Variants in SPATA13 observed in about 807,000 individuals in gnomAD.
SPATA13 encodes the protein spermatogenesis associated 13, also known as spermatogenesis-associated protein 13.
A neutral mutation model predicts 104.0 loss-of-function variants in SPATA13; 50 were observed. The ratio of observed to expected loss-of-function variants is 0.48; its 90% confidence interval spans 0.38 to 0.61. The LOEUF (loss-of-function observed/expected upper bound fraction) is 0.61, where lower values mean the gene tolerates loss of function less well. Ranked by LOEUF, SPATA13 falls within the 20% of genes least tolerant of loss-of-function variation. SPATA13 has a pLI of 0.00. For missense variants in SPATA13, 1,524 were observed against 1,690.6 expected, an observed-to-expected ratio of 0.90 and a Z score of 1.73; for synonymous variants, 606 against 667.5, an observed-to-expected ratio of 0.91 and a Z score of 1.42.
chr13:23,999,303 C>G (rs1239354427), intron 2 of SPATA13, among the ~76,000 whole-genome samples: 1 of 129,666 alleles, frequency 7.7e-6, no homozygotes, highest in African/African-American at 3.0e-5. Context: ...TTTTCCAAGT[C>G]TGTTTTGGTC....
chr13:24,191,399 T>C (rs546809736), intron 1 of SPATA13, among the ~76,000 whole-genome samples: 31 of 152,172 alleles, frequency 2.0e-4, no homozygotes, highest in Non-Finnish European at 4.0e-4. Flanking sequence ...TTGTGTGACC[T>C]GCTTTATTTC....
chr13:24,277,261 G>C (rs1441072383), intron 4 of SPATA13, among the ~76,000 whole-genome samples: 2 of 151,950 alleles, frequency 1.3e-5, no homozygotes, highest in South Asian at 4.2e-4. Flanking sequence ...TGGCTAACAT[G>C]GTGAAACCAC....
Position 24,251,855 on chromosome 13 carries a change from A to T in SPATA13, c.2157A>T (p.Ala719=). Residue 719 remains alanine (A), a synonymous_variant, in exon 4 of 13, where the codon GCA becomes GCT. Coordinates refer to ENST00000382108, the MANE Select transcript of SPATA13 (RefSeq NM_001166271.3). ...DRVGRRRQMR[A]SNVSSDGGTE... ...TGGGACGCCGGCGGCAGATGAGAGC[A>T]TCCAACGGTGAGTCTCAGAGTCCCT... 6.2e-7 allele frequency: 1 copy of T among 1,613,590 alleles called. No individual in the cohort carries two copies. The highest frequency in any genetic ancestry group is 8.5e-7 in the Non-Finnish European group (1 of 1,179,680).
chr13:24,191,496 G>A (rs993677329), intron 1 of SPATA13, among the ~76,000 whole-genome samples: 5 of 125,720 alleles, frequency 4.0e-5, no homozygotes, highest in African/African-American at 1.5e-4. Context: ...ACTATACATT[G>A]CTTTCTTTTT....
intron 3 of SPATA13, among the ~76,000 whole-genome samples, chr13:24,068,029 C>T (rs1001400685): frequency 7.2e-5 from 11 of 152,030 alleles, no homozygotes; most frequent in Admixed American, 7.2e-4. Context: ...ATTTTAAGTT[C>T]AGGGGTACAT....
chr13:24,098,570 C>G (rs991007480), intron 3 of SPATA13, among the ~76,000 whole-genome samples: 1 of 144,048 alleles, frequency 6.9e-6, no homozygotes, highest in African/African-American at 2.6e-5. Flanking sequence ...GCAGTCCTGC[C>G]TAGGAGATAG....
At chr13:24,141,302 G>A (rs1346963802) in intron 3 of SPATA13, among the ~76,000 whole-genome samples, 3 of 152,154 alleles carry the variant, frequency 2.0e-5, no homozygotes, top group Non-Finnish European at 4.4e-5. Flanking sequence ...GCAACATAGT[G>A]AGACCCAGAT....
At chr13:24,267,365 C>T (rs1443121473) in intron 4 of SPATA13, among the ~76,000 whole-genome samples, 2 of 152,100 alleles carry the variant, frequency 1.3e-5, no homozygotes, top group Admixed American at 1.3e-4. Context: ...ACTTGTTTTC[C>T]TTCTTTTTAT....
At position 24,051,630 on chromosome 13, in the gene SPATA13, G is replaced by GT. The variant is rs1384641972; in HGVS notation, c.-112+33932dup. 1.3e-5 allele frequency among the ~76,000 whole-genome samples: 2 copies of GT among 152,160 alleles called. No homozygotes were observed. Among genetic ancestry groups the GT allele is most frequent in the South Asian group, 4.2e-4 (2 of 4,814 alleles). ...GGAGCCAGCGGAGACAATGCTCCCT[G>GT]TTTGGGGATGGAGGGGTGGGGACTT... is the stretch of plus-strand genomic sequence containing the variant. On this transcript the variant is annotated intron_variant, in intron 3 of 14. Transcript: ENST00000424834. The surrounding 1 kb of genome is among the most constrained non-coding windows in gnomAD (Gnocchi z 4.2).
intron 1 of SPATA13, among the ~76,000 whole-genome samples, chr13:24,181,770 T>TTTG (rs1868826285): frequency 6.6e-6 from 1 of 151,676 alleles, no homozygotes; most frequent in African/African-American, 2.4e-5. Context: ...ACTTTTTTTT[T>TTTG]TTTTGTTAAA....
intron 3 of SPATA13, among the ~76,000 whole-genome samples, chr13:24,029,559 A>G (rs989057168): frequency 6.6e-6 from 1 of 152,214 alleles, no homozygotes; most frequent in Non-Finnish European, 1.5e-5. Flanking sequence ...GTATTTTTAA[A>G]TATATATTAA....
intron 1 of SPATA13, among the ~76,000 whole-genome samples, chr13:24,207,323 A>G (rs1009603129): frequency 6.6e-6 from 1 of 152,232 alleles, no homozygotes; most frequent in South Asian, 2.1e-4. Context: ...ACCATGGCAT[A>G]CGTTTACCTA....
At chr13:23,990,320 C>T (rs1045899677) in intron 2 of SPATA13, among the ~76,000 whole-genome samples, 4 of 152,210 alleles carry the variant, frequency 2.6e-5, no homozygotes, top group African/African-American at 9.6e-5. Flanking sequence ...ACCACTCCCC[C>T]AGAATAAAGC....
chr13:24,268,310 CGA>C (rs993537530), intron 4 of SPATA13, among the ~76,000 whole-genome samples: 3 of 152,058 alleles, frequency 2.0e-5, no homozygotes, highest in Non-Finnish European at 2.9e-5. Context: ...AGACTTTACA[CGA>C]GAGAGAGAGT....
chr13:24,285,444 G>C (rs1468570010), intron 5 of SPATA13, among the ~76,000 whole-genome samples: 1 of 152,148 alleles, frequency 6.6e-6, no homozygotes. Flanking sequence ...AAGTTTGCTA[G>C]ATAACTGACC....
At chr13:24,293,032 G>T (rs1249455610) in intron 9 of SPATA13, among the ~76,000 whole-genome samples, 2 of 148,776 alleles carry the variant, frequency 1.3e-5, no homozygotes, top group Admixed American at 6.7e-5. Flanking sequence ...AGGCGAGGGT[G>T]TGGGGAGAGC....
chr13:24,266,703 A>G (rs1566180502), intron 4 of SPATA13, among the ~76,000 whole-genome samples: 2 of 152,240 alleles, frequency 1.3e-5, no homozygotes, highest in African/African-American at 4.8e-5. Flanking sequence ...AGTGTTGCCA[A>G]TAATCAATGA....
intron 1 of SPATA13, among the ~76,000 whole-genome samples, chr13:24,210,099 G>A (rs1453702155): frequency 6.6e-6 from 1 of 152,054 alleles, no homozygotes; most frequent in Non-Finnish European, 1.5e-5. Context: ...TGTACATTTT[G>A]TGATTGAGTT....
At chr13:24,191,570 C>T (rs1468230173) in intron 1 of SPATA13, among the ~76,000 whole-genome samples, 3 of 122,500 alleles carry the variant, frequency 2.4e-5, no homozygotes, top group East Asian at 2.6e-4. Flanking sequence ...AGTGCAGTGG[C>T]GTGATCTTGG....
Sources: allele counts gnomAD v4.1 joint callset (sites outside exome capture counted in the v4.1 genomes callset), GRCh38; gene constraint gnomAD v4.1.1; non-coding constraint Gnocchi (gnomAD v3.1); transcripts MANE v1.5; gene names NCBI Gene and HGNC (gene_info 2026-07-23, HGNC 2026-07-21).